Variants in HS6ST3 observed in about 807,000 individuals in gnomAD.
HS6ST3 encodes the protein heparan-sulfate 6-O-sulfotransferase 3.
A neutral mutation model predicts 36.7 loss-of-function variants in HS6ST3; 12 were observed. The ratio of observed to expected loss-of-function variants is 0.33; its 90% CI spans 0.21 to 0.53. The LOEUF (loss-of-function observed/expected upper bound fraction) is 0.53, where lower values mean the gene tolerates loss of function less well. HS6ST3 is among the 20% of genes least tolerant of loss of function. The pLI is 0.95. For missense variants in HS6ST3, 584 were observed against 640.9 expected (o/e 0.91, Z 0.96); for synonymous variants, 240 against 257.5 (o/e 0.93, Z 0.65).
chr13:96,550,639 A>G (rs868620184), intron 1 of HS6ST3, among the ~76,000 whole-genome samples: 7 of 151,604 alleles, frequency 4.6e-5, no homozygotes, highest in Middle Eastern at 3.4e-3. Context: ...AAATATAGGG[A>G]CAATATTTTA....
chr13:96,478,063 A>G (rs2055872533), intron 1 of HS6ST3, among the ~76,000 whole-genome samples: 4 of 152,166 alleles, frequency 2.6e-5, no homozygotes, highest in Admixed American at 2.0e-4. Flanking sequence ...TTTGAATTAA[A>G]TATGGCTAGT....
chr13:96,788,030 T>C lies in HS6ST3; in HGVS notation c.708-44460T>C, dbSNP rs1180405535. 2.6e-5 allele frequency among the ~76,000 whole-genome samples: 4 copies of C among 151,964 alleles called. No individual in the cohort carries two copies. The East Asian group carries it at 7.7e-4, about 29-fold the overall frequency. ...ACACTATCATTCCTCCATTTAATTG[T>C]TTTTTCACCTTTGTCAAAAATCAGT... On this transcript the variant is annotated intron_variant, in intron 1 of 1. Transcript: ENST00000376705.
At chr13:96,671,506 C>T (rs2056682630) in intron 1 of HS6ST3, among the ~76,000 whole-genome samples, 1 of 152,092 alleles carries the variant, frequency 6.6e-6, no homozygotes, top group Non-Finnish European at 1.5e-5. Flanking sequence ...TAACGAAGCA[C>T]CACAGACTGG....
chr13:96,477,554 T>A (rs2055870010), intron 1 of HS6ST3, among the ~76,000 whole-genome samples: 1 of 152,040 alleles, frequency 6.6e-6, no homozygotes, highest in Admixed American at 6.6e-5. Context: ...CTATCAAGTC[T>A]CATATATACC....
At chr13:96,830,513 A>T (rs1878756232) in intron 1 of HS6ST3, among the ~76,000 whole-genome samples, 1 of 152,202 alleles carries the variant, frequency 6.6e-6, no homozygotes, top group African/African-American at 2.4e-5. Context: ...GTGTATCTAT[A>T]TACATGTATT....
chr13:96,832,854 A>G lies in HS6ST3; in HGVS notation c.1072A>G (p.Arg358Gly). The G allele has an allele frequency of 6.2e-7, 1 of 1,614,204 alleles. No homozygotes were observed. Among genetic ancestry groups the G allele is most frequent in the Non-Finnish European group, 8.5e-7 (1 of 1,180,020 alleles). The change falls in exon 2 of 2, where the codon AGG (arginine) becomes GGG (glycine). Residue 358 changes from arginine (R) to glycine (G), a missense_variant. Around this residue, in one of 3 missense-constraint regions of HS6ST3, gnomAD observed 360 missense variants for 411.3 expected, o/e 0.88. Coordinates refer to ENST00000376705, the MANE Select transcript of HS6ST3 (RefSeq NM_153456.4). Reference sequence around the variant, plus strand: ...CTTCTTTGGGCTCACTGAGTTCCAGAGGAAGACACAGTTTCTCTTTGAGAG... The same window carrying G: ...CTTCTTTGGGCTCACTGAGTTCCAGGGGAAGACACAGTTTCTCTTTGAGAG... ...MAFFGLTEFQ[R>G]KTQFLFERTF...
chr13:96,727,472 T>A (rs1876034377), intron 1 of HS6ST3, among the ~76,000 whole-genome samples: 1 of 152,142 alleles, frequency 6.6e-6, no homozygotes, highest in East Asian at 1.9e-4. Flanking sequence ...ATTGTTACAG[T>A]GGCTTTGCAT....
chr13:96,188,074 C>G (rs1305143813), intron 1 of HS6ST3, among the ~76,000 whole-genome samples: 1 of 152,162 alleles, frequency 6.6e-6, no homozygotes. Flanking sequence ...GTGTGTTCCT[C>G]TTCCCCCTAT....
At chr13:96,354,247 G>A (rs2055198783) in intron 1 of HS6ST3, among the ~76,000 whole-genome samples, 1 of 152,088 alleles carries the variant, frequency 6.6e-6, no homozygotes, top group Admixed American at 6.6e-5. Context: ...AGTACAGTTT[G>A]GGAACCCTAA....
At chr13:96,513,167 T>TC (rs1156319970) in intron 1 of HS6ST3, among the ~76,000 whole-genome samples, 4 of 152,124 alleles carry the variant, frequency 2.6e-5, no homozygotes, top group African/African-American at 9.7e-5. Flanking sequence ...ATGCCTTTCT[T>TC]CCCCCTCCCC....
At chr13:96,623,002 A>G (rs2056500075) in intron 1 of HS6ST3, among the ~76,000 whole-genome samples, 3 of 152,274 alleles carry the variant, frequency 2.0e-5, no homozygotes, top group South Asian at 4.1e-4. Context: ...CATTTTAAGT[A>G]TGTGTAGTTT....
intron 1 of HS6ST3, among the ~76,000 whole-genome samples, chr13:96,168,152 C>T (rs1255440633): frequency 6.6e-6 from 1 of 151,952 alleles, no homozygotes; most frequent in Non-Finnish European, 1.5e-5. Flanking sequence ...TATTTTGGGC[C>T]CATGATGGTG....
At chr13:96,510,667 C>T (rs1284330052) in intron 1 of HS6ST3, among the ~76,000 whole-genome samples, 1 of 152,058 alleles carries the variant, frequency 6.6e-6, no homozygotes, top group East Asian at 1.9e-4. Context: ...TGGATTGTTC[C>T]TGCTCCTTAG....
intron 1 of HS6ST3, among the ~76,000 whole-genome samples, chr13:96,518,775 G>A (rs1028390947): frequency 2.6e-5 from 4 of 152,136 alleles, no homozygotes; most frequent in African/African-American, 2.4e-5. Flanking sequence ...CAGATGAAAA[G>A]CAAATGTCTG....
At chr13:96,247,023 T>C (rs2054587847) in intron 1 of HS6ST3, among the ~76,000 whole-genome samples, 1 of 152,166 alleles carries the variant, frequency 6.6e-6, no homozygotes, top group African/African-American at 2.4e-5. Context: ...TGTAGAGATT[T>C]AGATAGATTT....
chr13:96,503,547 G>A lies in HS6ST3; in HGVS notation c.708-328943G>A, dbSNP rs552618434. On this transcript the variant is annotated intron_variant, in intron 1 of 1. Coordinates refer to ENST00000376705, the MANE Select transcript of HS6ST3 (RefSeq NM_153456.4). ...GGCAGTGGGCCTAGTAGGAAGAGTG[G>A]GATTTATTACTGGAGGAACACTGGA... is the stretch of plus-strand genomic sequence containing the variant. Among the ~76,000 whole-genome samples, 6 of 152,234 alleles carry A rather than the reference G, an allele frequency of 3.9e-5. No individual in the cohort carries two copies. In the South Asian group the frequency reaches 1.2e-3, roughly 32 times the overall value.
At chr13:96,302,846 A>G (rs1224983885) in intron 1 of HS6ST3, among the ~76,000 whole-genome samples, 1 of 152,140 alleles carries the variant, frequency 6.6e-6, no homozygotes, top group East Asian at 1.9e-4. Context: ...CTCTTGTTTT[A>G]AGGTTCTATA....
intron 1 of HS6ST3, among the ~76,000 whole-genome samples, chr13:96,799,133 A>T (rs1000976772): frequency 1.3e-5 from 2 of 152,092 alleles, no homozygotes; most frequent in Non-Finnish European, 2.9e-5. Context: ...ATCTTTTAAA[A>T]CTGTGTTTGA....
intron 1 of HS6ST3, among the ~76,000 whole-genome samples, chr13:96,370,234 C>T (rs1020456207): frequency 2.0e-4 from 30 of 152,112 alleles, no homozygotes; most frequent in African/African-American, 7.2e-4. Flanking sequence ...TAATATACAG[C>T]TAGGGTGGAA....
Sources: allele counts gnomAD v4.1 joint callset (sites outside exome capture counted in the v4.1 genomes callset), GRCh38; gene constraint gnomAD v4.1.1; regional missense constraint gnomAD v4.1.1; transcripts MANE v1.5; gene names NCBI Gene and HGNC (gene_info 2026-07-23, HGNC 2026-07-21).